The following TGM4 variants were observed in gnomAD, a reference collection of about 807,000 sequenced individuals.
TGM4 encodes transglutaminase 4.
A neutral mutation model predicts 76.3 loss-of-function variants in TGM4; 61 were observed. The ratio of observed to expected loss-of-function variants is 0.80; its 90% CI spans 0.65 to 0.99. The LOEUF is 0.99. Ranked by LOEUF, TGM4 falls within the 50% of genes least tolerant of loss-of-function variation. TGM4 has a pLI of 0.00. For synonymous variants in TGM4, 337 were observed against 329.8 expected, an observed-to-expected ratio of 1.02 and a Z score of -0.24; for missense variants, 794 against 843.2, an observed-to-expected ratio of 0.94 and a Z score of 0.72.
At chr3:44,888,382 T>TTAATGCTAAGC (rs1389275431) in intron 3 of TGM4, 1 of 152,864 alleles carries the variant, frequency 6.5e-6, no homozygotes, top group Non-Finnish European at 1.5e-5. Flanking sequence ...TCCTAGAAGT[T>TTAATGCTAAGC]TAATGCTAAG....
chr3:44,913,722 G>A lies in TGM4; in HGVS notation c.2052G>A (p.Lys684=), dbSNP rs1028095290. ...INAQKIVLIT[K] is the part of the protein sequence containing the mutation. ...CTCAGAAGATTGTTCTCATCACCAA[G>A]TAGCCTTGTCTGATGCTGTGGAGCC... Residue 684 remains lysine (K), a synonymous_variant, in exon 14 of 14, where the codon AAG becomes AAA. Transcript: ENST00000296125. 26 of 1,613,018 alleles carry A rather than the reference G, an allele frequency of 1.6e-5. No homozygotes were observed. The highest frequency in any genetic ancestry group is 2.7e-5 in the African/African-American group (2 of 74,886).
Position 44,910,236 on chromosome 3 carries a change from G to A in TGM4, c.1474G>A (p.Val492Met), listed in dbSNP as rs150539887. 32 of 1,614,050 alleles carry A rather than the reference G, an allele frequency of 2.0e-5. No homozygotes were observed. Among genetic ancestry groups the A allele is most frequent in the East Asian group, 1.1e-4 (5 of 44,900 alleles). ...GCTGGGAAACTCTGTTAATTTCACC[G>A]TGATTCTTAAAAGGAAGACCGCTGC... is the stretch of plus-strand genomic sequence containing the variant. ...VLLGNSVNFT[V>M]ILKRKTAALQ... is the part of the protein sequence containing the mutation. Residue 492 changes from valine (V) to methionine (M), a missense_variant, in exon 11 of 14, where the codon GTG becomes ATG. Physicochemically the swap from Val to Met is conservative, Grantham distance 21 (BLOSUM62 1). Transcript: ENST00000296125.
chr3:44,901,817 C>T lies in TGM4; in HGVS notation c.857C>T (p.Ala286Val). The change falls in exon 8 of 14, where the codon GCA (alanine) becomes GTA (valine). Residue 286 changes from alanine to valine, a missense_variant. Ala to Val is a moderately conservative substitution (Grantham distance 64, BLOSUM62 0). Coordinates refer to ENST00000296125, the MANE Select transcript of TGM4 (RefSeq NM_003241.4). ...GTGCTGAGAGCGTTGGGCATCCCAG[C>T]ACGCAGTGTGACAGGCTTCGATTCA... ...TTVLRALGIPARSVTGFDSAH... is the reference protein window; with the variant it reads ...TTVLRALGIPVRSVTGFDSAH... 1.2e-6 allele frequency: 2 copies of T among 1,614,146 alleles called. No homozygotes were observed. The highest frequency in any genetic ancestry group is 1.7e-6 in the Non-Finnish European group (2 of 1,180,006).
At chr3:44,887,587 G>A (rs1311555705) in intron 2 of TGM4, 102 bp from the exon 3 acceptor site, 1 of 986,920 alleles carries the variant, frequency 1.0e-6, no homozygotes, top group African/African-American at 1.6e-5. Flanking sequence ...GGAAAGGAGG[G>A]GTGGGGGCTC....
rs1228278550 is a variant in TGM4, at chr3:44,910,938, C to G, written c.1607-20C>G. On this transcript the variant is annotated intron_variant, in intron 11 of 13. Transcript: ENST00000296125. ...GGGTATGATGAATGACCTCTCCCCT[C>G]CACCCTGACTCTTTGGCAGTATCAG... is the stretch of plus-strand genomic sequence containing the variant. 2.5e-6 allele frequency: 4 copies of G among 1,611,288 alleles called. No individual in the cohort carries two copies. The African/African-American group carries it at 4.0e-5, about 16-fold the overall frequency.
intron 10 of TGM4, among the ~76,000 whole-genome samples, chr3:44,909,725 A>G (rs2125760387): frequency 6.6e-6 from 1 of 152,256 alleles, no homozygotes; most frequent in African/African-American, 2.4e-5. Context: ...AATGCCACAA[A>G]ACTATTCTTA....
chr3:44,879,078 A>C (rs1308136010), intron 1 of TGM4, among the ~76,000 whole-genome samples: 1 of 151,868 alleles, frequency 6.6e-6, no homozygotes, highest in Non-Finnish European at 1.5e-5. Flanking sequence ...TTTGCTGTTT[A>C]ACCTGTGAGT....
At chr3:44,887,960 C>T (rs1255631512) in intron 3 of TGM4, 165 bp downstream of exon 3, 3 of 642,798 alleles carry the variant, frequency 4.7e-6, no homozygotes, top group Non-Finnish European at 8.3e-6. Context: ...TCTGTTTCCC[C>T]ACTCAGCCTC....
chr3:44,899,432 T>C (rs1414446229), intron 6 of TGM4: 1 of 152,190 alleles, frequency 6.6e-6, no homozygotes, highest in Non-Finnish European at 1.5e-5. Flanking sequence ...ATTAGGTTAC[T>C]GCAGATTAGC....
chr3:44,885,003 C>A (rs931597476), intron 1 of TGM4, among the ~76,000 whole-genome samples: 5 of 152,196 alleles, frequency 3.3e-5, no homozygotes, highest in African/African-American at 1.2e-4. Context: ...CACAGACTCA[C>A]CCTGTTTGAA....
intron 2 of TGM4, among the ~76,000 whole-genome samples, chr3:44,887,042 A>G (rs902339216): frequency 6.6e-6 from 1 of 152,234 alleles, no homozygotes; most frequent in Admixed American, 6.5e-5. Context: ...GGCAAGTGCC[A>G]GGGCCCTGAG....
At chr3:44,902,119 GT>G (rs567336428) in intron 8 of TGM4, among the ~76,000 whole-genome samples, 188 bp downstream of exon 8, 158 of 152,288 alleles carry the variant, frequency 1.0e-3, no homozygotes, top group Non-Finnish European at 1.8e-3. Context: ...CATCCCAGGA[GT>G]TTTTTAGCCC....
At chr3:44,887,350 G>A (rs566590311) in intron 2 of TGM4, among the ~76,000 whole-genome samples, 16 of 152,330 alleles carry the variant, frequency 1.1e-4, no homozygotes, top group African/African-American at 3.8e-4. Flanking sequence ...GAACAAGCAT[G>A]TTGGTCTGTG....
At position 44,890,609 on chromosome 3, in the gene TGM4, G is replaced by A; in HGVS notation, c.307G>A (p.Val103Met). Reference protein sequence around the residue: ...LQNESGKEVTVAVTSSPNAIL... With the variant: ...LQNESGKEVTMAVTSSPNAIL... Reference sequence around the variant, plus strand: ...TATCTTATGGTTTGCTCAGGTCACAGTGGCTGTCACCAGTTCCCCCAATGC... The same window carrying A: ...TATCTTATGGTTTGCTCAGGTCACAATGGCTGTCACCAGTTCCCCCAATGC... Residue 103 changes from valine (V) to methionine (M), a missense_variant, in exon 4 of 14, where the codon GTG becomes ATG. Val to Met is a conservative substitution (Grantham distance 21). Coordinates refer to ENST00000296125, the MANE Select transcript of TGM4 (RefSeq NM_003241.4). 2 of 1,614,098 alleles carry A rather than the reference G, an allele frequency of 1.2e-6. No homozygotes were observed. Among genetic ancestry groups the A allele is most frequent in the Non-Finnish European group, 1.7e-6 (2 of 1,179,958 alleles).
intron 3 of TGM4, among the ~76,000 whole-genome samples, chr3:44,890,134 C>T (rs1699669253): frequency 6.6e-6 from 1 of 152,152 alleles, no homozygotes; most frequent in South Asian, 2.1e-4. Flanking sequence ...GGAAACTGCC[C>T]CCATGATTCA....
At chr3:44,910,019 C>T (rs569414977) in intron 10 of TGM4, 71 bp from the exon 11 acceptor site, 105 of 1,549,794 alleles carry the variant, frequency 6.8e-5, no homozygotes, top group Middle Eastern at 4.8e-4. Flanking sequence ...TCTCCTTCTG[C>T]CACACGGGTG....
chr3:44,909,388 T>C (rs1183650066), intron 10 of TGM4, among the ~76,000 whole-genome samples: 1 of 152,140 alleles, frequency 6.6e-6, no homozygotes, highest in East Asian at 1.9e-4. Flanking sequence ...TCCCCTCAAC[T>C]CCCTTCTTTT....
At chr3:44,878,276 G>C (rs371566923) in intron 1 of TGM4, among the ~76,000 whole-genome samples, 1 of 151,878 alleles carries the variant, frequency 6.6e-6, no homozygotes. Flanking sequence ...GAAGCAAGGC[G>C]CAGAATAGTG....
intron 2 of TGM4, among the ~76,000 whole-genome samples, chr3:44,885,945 A>G (rs755809851): frequency 6.6e-6 from 1 of 152,254 alleles, no homozygotes; most frequent in Non-Finnish European, 1.5e-5. Flanking sequence ...ATATATGTGC[A>G]TAAGTACAAC....
Sources: gnomAD v4.1 joint callset for allele counts (sites outside exome capture counted in the v4.1 genomes callset) on GRCh38, gnomAD v4.1.1 for gene constraint, MANE v1.5 for transcripts, NCBI Gene and HGNC (gene_info 2026-07-23, HGNC 2026-07-21) for gene names.